AK4: variants seen among roughly 807,000 people sequenced by gnomAD.
AK4 encodes adenylate kinase 4, also known as adenylate kinase 4, mitochondrial.
AK4 carries 13 observed loss-of-function variants against 24.6 expected under a neutral mutation model. That is an observed-to-expected ratio of 0.53 (90% CI 0.34 to 0.84). AK4 has a LOEUF of 0.84. AK4 is among the 40% of genes least tolerant of loss of function. The probability of loss-of-function intolerance (pLI) is 0.01; values close to 1 mark genes in which losing one functional copy is unlikely to be tolerated. For missense variants in AK4, 192 were observed against 288.2 expected (o/e 0.67, Z 2.42); for synonymous variants, 88 against 107.0 (o/e 0.82, Z 1.10).
At chr1:65,186,411 G>T (rs926929168) in intron 1 of AK4, among the ~76,000 whole-genome samples, 2 of 152,138 alleles carry the variant, frequency 1.3e-5, no homozygotes, top group South Asian at 2.1e-4. Context: ...TTACAGGCAC[G>T]AACCATCAGC....
At chr1:65,152,356 CTCTCTATA>C (rs1460528725) in intron 1 of AK4, among the ~76,000 whole-genome samples, 272 of 33,848 alleles carry the variant, frequency 8.0e-3, no homozygotes, top group African/African-American at 0.01. Flanking sequence ...CTCTCTCTCT[CTCTCTATA>C]TATATATATA....
chr1:65,199,103 A>G (rs1651579691), intron 2 of AK4, among the ~76,000 whole-genome samples: 1 of 151,516 alleles, frequency 6.6e-6, no homozygotes, highest in African/African-American at 2.4e-5. Flanking sequence ...AAAAAAAAAA[A>G]AGAATTTGGG....
At chr1:65,221,819 C>T (rs1652301616) in intron 3 of AK4, among the ~76,000 whole-genome samples, 1 of 152,204 alleles carries the variant, frequency 6.6e-6, no homozygotes, top group South Asian at 2.1e-4. Context: ...TCTGCAATTA[C>T]CATGCTGCTT....
intron 1 of AK4, among the ~76,000 whole-genome samples, chr1:65,172,855 A>ACTTT (rs1408297416): frequency 2.7e-5 from 3 of 110,912 alleles, no homozygotes; most frequent in African/African-American, 3.8e-5. Context: ...CCAGCAAGAG[A>ACTTT]TTTTTTTTTT....
chr1:65,192,779 C>A (rs1165158750), intron 2 of AK4, among the ~76,000 whole-genome samples: 1 of 152,150 alleles, frequency 6.6e-6, no homozygotes, highest in Non-Finnish European at 1.5e-5. Flanking sequence ...AAGAAATAGG[C>A]AAGAAGAAAG....
chr1:65,163,115 G>T lies in AK4; in HGVS notation c.145+14563G>T, dbSNP rs185280547. Reference sequence around the variant, plus strand: ...TGGATGTAAATGTTCATTTCTCTTGGGTATATACCTAAGGATAGCAATACA... The same window carrying T: ...TGGATGTAAATGTTCATTTCTCTTGTGTATATACCTAAGGATAGCAATACA... On this transcript the variant is annotated intron_variant, in intron 1 of 4. Coordinates refer to ENST00000327299, the MANE Select transcript of AK4 (RefSeq NM_013410.4). Among the ~76,000 whole-genome samples, 613 of 152,128 alleles carry T rather than the reference G, an allele frequency of 4.0e-3. 5 individuals carry two copies. The highest frequency in any genetic ancestry group is 0.014 in the African/African-American group (586 of 41,492).
At chr1:65,148,820 G>C (rs1649662727) in intron 1 of AK4, among the ~76,000 whole-genome samples, 1 of 152,054 alleles carries the variant, frequency 6.6e-6, no homozygotes, top group Non-Finnish European at 1.5e-5. Context: ...CGAGCCACCC[G>C]GCCGAGGGAA....
chr1:65,215,795 T>C (rs1652111593), intron 2 of AK4, among the ~76,000 whole-genome samples: 1 of 152,234 alleles, frequency 6.6e-6, no homozygotes, highest in African/African-American at 2.4e-5. Context: ...GTTACCCTCA[T>C]TAGACAAAGA....
In AK4 at chr1:65,148,570, C is replaced by G; in HGVS notation, c.145+18C>G. 1.9e-6 allele frequency: 3 copies of G among 1,588,208 alleles called. No individual in the cohort carries two copies. Among genetic ancestry groups the G allele is most frequent in the Non-Finnish European group, 2.6e-6 (3 of 1,166,956 alleles). ...CAGCACCGGTGAGGGGCTGCGGGGA[C>G]GAGGGCCGGGGGCGAGCCGCGTTGG... On this transcript the variant is annotated intron_variant, in intron 1 of 4. Transcript: ENST00000327299.
intron 2 of AK4, among the ~76,000 whole-genome samples, chr1:65,197,479 C>CA (rs1373223773): frequency 1.3e-5 from 2 of 152,184 alleles, no homozygotes; most frequent in African/African-American, 4.8e-5. Context: ...CGAGAGTCAT[C>CA]ATTTTGTCCA....
chr1:65,194,032 A>C (rs749317204), intron 2 of AK4, among the ~76,000 whole-genome samples: 1 of 152,212 alleles, frequency 6.6e-6, no homozygotes, highest in Non-Finnish European at 1.5e-5. Context: ...TTGAGGCAGC[A>C]GTGAGGCATG....
chr1:65,185,931 A>G (rs905615963), intron 1 of AK4, among the ~76,000 whole-genome samples: 1 of 151,454 alleles, frequency 6.6e-6, no homozygotes, highest in African/African-American at 2.4e-5. Flanking sequence ...GACCATCTTA[A>G]CTCATGATCA....
At chr1:65,148,064 CT>C, upstream of AK4, 1 of 250,968 alleles carries the variant, frequency 4.0e-6, no homozygotes, top group Non-Finnish European at 7.5e-6. Flanking sequence ...GAAGGTGGGA[CT>C]GGCCGGGCCG....
At chr1:65,158,101 T>C (rs6588125) in intron 1 of AK4, among the ~76,000 whole-genome samples, 75,351 of 151,960 alleles carry the variant, frequency 0.5, 22,329 homozygotes, top group African/African-American at 0.83. Context: ...AGGGTTATCA[T>C]GCCTGCCCCA....
intron 1 of AK4, among the ~76,000 whole-genome samples, chr1:65,149,877 T>A (rs1257647405): frequency 6.6e-6 from 1 of 152,200 alleles, no homozygotes; most frequent in African/African-American, 2.4e-5. Context: ...TACATTCACA[T>A]GCATTTTATT....
intron 2 of AK4, among the ~76,000 whole-genome samples, chr1:65,210,401 T>A (rs1651935289): frequency 6.6e-6 from 1 of 152,158 alleles, no homozygotes; most frequent in South Asian, 2.1e-4. Context: ...TCCGCTTCGG[T>A]TTCTTTATTA....
intron 1 of AK4, among the ~76,000 whole-genome samples, chr1:65,187,521 CA>C (rs1651143648): frequency 6.6e-6 from 1 of 151,940 alleles, no homozygotes; most frequent in Non-Finnish European, 1.5e-5. Context: ...GATGGTTGTA[CA>C]ACATTGAGAC....
intron 1 of AK4, among the ~76,000 whole-genome samples, chr1:65,164,369 G>C (rs1052887276): frequency 3.9e-5 from 6 of 152,116 alleles, no homozygotes; most frequent in Non-Finnish European, 8.8e-5. Flanking sequence ...CTCAAATACT[G>C]AAGTATGGAG....
chr1:65,168,727 G>A (rs1033261730), intron 1 of AK4, among the ~76,000 whole-genome samples: 18 of 152,178 alleles, frequency 1.2e-4, no homozygotes, highest in African/African-American at 4.1e-4. Context: ...TACCAGGGCC[G>A]TTTCAGAACG....
Sources: allele counts gnomAD v4.1 joint callset (sites outside exome capture counted in the v4.1 genomes callset), GRCh38; gene constraint gnomAD v4.1.1; transcripts MANE v1.5; gene names NCBI Gene and HGNC (gene_info 2026-07-23, HGNC 2026-07-21).